Variants in GDF10 observed in about 807,000 individuals in gnomAD.
GDF10 encodes the protein growth differentiation factor 10, also known as growth/differentiation factor 10.
GDF10 carries 23 observed loss-of-function variants against 32.1 expected under a neutral mutation model. The ratio of observed to expected loss-of-function variants is 0.72; its 90% confidence interval spans 0.52 to 1.02. GDF10 has a LOEUF of 1.02. GDF10 is among the 50% of genes least tolerant of loss of function. The probability of loss-of-function intolerance (pLI) is 0.00; values close to 1 mark genes in which losing one functional copy is unlikely to be tolerated. For missense variants in GDF10, 764 were observed against 673.9 expected, an observed-to-expected ratio of 1.13 and a Z score of -1.48; for synonymous variants, 328 against 303.1, an observed-to-expected ratio of 1.08 and a Z score of -0.85.
chr10:47,312,902 A>T lies in GDF10; in HGVS notation c.*110A>T. 1 of 634,752 alleles carries T rather than the reference A, an allele frequency of 1.6e-6. No homozygotes were observed. Among genetic ancestry groups the T allele is most frequent in the Non-Finnish European group, 2.6e-6 (1 of 380,624 alleles). 39.3% of individuals were successfully genotyped at this position (634,752 alleles called of 1,614,324 possible). A position where few individuals can be genotyped will look rare whatever the true frequency, so the allele number is the denominator to read the frequency against. ...AGACACAGAGCACAGCTCATGGGCAACATCACTGGGGCCCAGAGAGAGCTG... is the reference window on the plus strand; with the variant it reads ...AGACACAGAGCACAGCTCATGGGCATCATCACTGGGGCCCAGAGAGAGCTG... On this transcript the variant is annotated 3_prime_UTR_variant, in exon 3 of 3. Coordinates refer to ENST00000580279, the MANE Select transcript of GDF10 (RefSeq NM_004962.5).
chr10:47,300,636 C>A lies in GDF10; in HGVS notation c.-16C>A, dbSNP rs782057226. ...CCTCCTCCTGGACTTCGGCCCTTTGCCGCCCTCACCACGCCATGGCTCATG... is the reference window on the plus strand; with the variant it reads ...CCTCCTCCTGGACTTCGGCCCTTTGACGCCCTCACCACGCCATGGCTCATG... On this transcript the variant is annotated 5_prime_UTR_variant, in exon 1 of 3. Transcript: ENST00000580279. 5 of 1,576,848 alleles carry A rather than the reference C, an allele frequency of 3.2e-6. No homozygotes were observed. The highest frequency in any genetic ancestry group is 8.6e-7 in the Non-Finnish European group (1 of 1,164,022).
At position 47,300,855 on chromosome 10, in the gene GDF10, C is replaced by A; in HGVS notation, c.204C>A (p.Gly68=). 6.3e-7 allele frequency: 1 copy of A among 1,584,498 alleles called. No individual in the cohort carries two copies. Among genetic ancestry groups the A allele is most frequent in the East Asian group, 2.3e-5 (1 of 43,876 alleles). The stretch of plus-strand genomic sequence containing the variant: ...CTGGGGACGCGGCCGCCACGTTGGG[C>A]CCCAGCGCCCAGGACATGGTCGCTG... The part of the protein sequence containing the change: ...RHPGDAAATL[G]PSAQDMVAVH... The change falls in exon 1 of 3, where the codon GGC becomes GGA. Residue 68 remains glycine (G), a synonymous_variant. Transcript: ENST00000580279.
intron 1 of GDF10, among the ~76,000 whole-genome samples, chr10:47,305,778 C>T (rs2061021262): frequency 6.6e-6 from 1 of 152,182 alleles, no homozygotes; most frequent in Non-Finnish European, 1.5e-5. Flanking sequence ...GCTGAGTGCC[C>T]AGCAAAGTGG....
At chr10:47,310,820 A>T in intron 2 of GDF10, 99 bp downstream of exon 2, 1 of 806,052 alleles carries the variant, frequency 1.2e-6, no homozygotes, top group Non-Finnish European at 2.1e-6. Flanking sequence ...CATCTGCAAA[A>T]TGGGAATAAC....
Position 47,300,760 on chromosome 10 carries a change from GC to G in GDF10, c.114del (p.Ala39ProfsTer81). ...LLRDVAGSHR[A>X]PAWSALPAAA... is the part of the protein sequence containing the mutation. Reference sequence around the variant, plus strand: ...CCGGGATGTGGCCGGCAGCCACAGGGCCCCCGCCTGGTCCGCACTGCCCGCG... The same window carrying G: ...CCGGGATGTGGCCGGCAGCCACAGGGCCCCGCCTGGTCCGCACTGCCCGCG... On this transcript the variant is annotated frameshift_variant, in exon 1 of 3. Transcript: ENST00000580279. LOFTEE classifies it high-confidence loss of function. 6.4e-7 allele frequency: 1 copy of G among 1,563,478 alleles called. No homozygotes were observed.
intron 1 of GDF10, among the ~76,000 whole-genome samples, chr10:47,301,483 C>A (rs1216486261): frequency 2.4e-5 from 3 of 127,426 alleles, no homozygotes; most frequent in Non-Finnish European, 4.6e-5. Context: ...AGGACTTCCA[C>A]GGACTGGCAT....
At position 47,300,670 on chromosome 10, in the gene GDF10, C is replaced by A. The variant is rs782506765; in HGVS notation, c.19C>A (p.Arg7=). 1 of 1,600,500 alleles carries A rather than the reference C, an allele frequency of 6.2e-7. No individual in the cohort carries two copies. The highest frequency in any genetic ancestry group is 1.1e-5 in the South Asian group (1 of 89,986). ...CCACGCCATGGCTCATGTCCCCGCT[C>A]GGACCAGCCCGGGACCCGGGCCCCA... MAHVPA[R]TSPGPGPQLL... is the part of the protein sequence containing the mutation. The change falls in exon 1 of 3, where the codon CGG becomes AGG. Residue 7 remains arginine (R), a synonymous_variant. Transcript: ENST00000580279.
Position 47,310,705 on chromosome 10 carries a change from A to G in GDF10, c.1229A>G (p.Glu410Gly). 6.2e-7 allele frequency: 1 copy of G among 1,610,656 alleles called. No homozygotes were observed. The highest frequency in any genetic ancestry group is 8.5e-7 in the Non-Finnish European group (1 of 1,176,860). Residue 410 changes from glutamate (E) to glycine (G), a missense_variant, in exon 2 of 3, where the codon GAG becomes GGG. Transcript: ENST00000580279. ...GCCTACTACTGCGCGGGAGCATGTG[A>G]GTTCCCCATGCCTAAGGTAGGGTTT... ...FDAYYCAGAC[E>G]FPMPKIVRPS...
At chr10:47,310,977 A>G (rs1478690775) in intron 2 of GDF10, among the ~76,000 whole-genome samples, 1 of 152,172 alleles carries the variant, frequency 6.6e-6, no homozygotes, top group Non-Finnish European at 1.5e-5. Flanking sequence ...TAAAATGAGA[A>G]CATTCTTTTG....
In GDF10 at chr10:47,310,394, G is replaced by C; in HGVS notation, c.918G>C (p.Leu306=). The C allele has an allele frequency of 6.2e-7, 1 of 1,609,616 alleles. No individual in the cohort carries two copies. Among genetic ancestry groups the C allele is most frequent in the Non-Finnish European group, 8.5e-7 (1 of 1,178,804 alleles). The change falls in exon 2 of 3, where the codon CTG becomes CTC. Residue 306 remains leucine, a synonymous_variant. Transcript: ENST00000580279. ...GPLQDNELPG[L]DERPPRAHAQ... is the part of the protein sequence containing the mutation. ...TCCAGGACAACGAGCTGCCGGGGCT[G>C]GATGAGAGGCCGCCGCGCGCCCACG...
In GDF10 at chr10:47,310,177, T is replaced by G. The variant is rs1555207546; in HGVS notation, c.701T>G (p.Val234Gly). 1 of 1,611,506 alleles carries G rather than the reference T, an allele frequency of 6.2e-7. No individual in the cohort carries two copies. Residue 234 changes from valine (V) to glycine (G), a missense_variant, in exon 2 of 3, where the codon GTG becomes GGG. Transcript: ENST00000580279. ...GATTCTGAGGAGAGGGACCCGGGGG[T>G]GCCCCGGCCCAGCCCCTATGCGCCC... ...QLDSEERDPG[V>G]PRPSPYAPYI...
At chr10:47,311,943 G>A (rs1381558615) in intron 2 of GDF10, among the ~76,000 whole-genome samples, 1 of 152,218 alleles carries the variant, frequency 6.6e-6, no homozygotes, top group Non-Finnish European at 1.5e-5. Flanking sequence ...TCAGAGGTGG[G>A]CACAGTTTTC....
rs1565750438 is a variant in GDF10 at position 47,313,451 on chromosome 10, T to C, written c.*659T>C. ...TATTGAAATAACACATATAGTAACG[T>C]GGGAATACTAAAAAATAACCAAGAT... is the stretch of plus-strand genomic sequence containing the variant. On this transcript the variant is annotated 3_prime_UTR_variant, in exon 3 of 3. Coordinates refer to ENST00000580279, the MANE Select transcript of GDF10 (RefSeq NM_004962.5). 1 of 152,582 alleles carries C rather than the reference T, an allele frequency of 6.6e-6. No homozygotes were observed. The highest frequency in any genetic ancestry group is 1.5e-5 in the Non-Finnish European group (1 of 68,024). The allele number at this position is 152,582 out of a possible 1,614,324, so 9.5% of individuals were successfully genotyped here.
In GDF10 at chr10:47,309,781, C is replaced by G; in HGVS notation, c.320-15C>G. Reference sequence around the variant, plus strand: ...GCGAGAACTTCACAGCCTGTGGTCTCTCCTTCCCTCACAGAAGTGGTCGAC... The same window carrying G: ...GCGAGAACTTCACAGCCTGTGGTCTGTCCTTCCCTCACAGAAGTGGTCGAC... On this transcript the variant is annotated splice_polypyrimidine_tract_variant and intron_variant, in intron 1 of 2. Transcript: ENST00000580279. The G allele has an allele frequency of 6.3e-7, 1 of 1,579,666 alleles. No individual in the cohort carries two copies. The highest frequency in any genetic ancestry group is 8.7e-7 in the Non-Finnish European group (1 of 1,152,896).
In GDF10 at chr10:47,300,588, T is replaced by G. The variant is rs1230926944; in HGVS notation, c.-64T>G. On this transcript the variant is annotated 5_prime_UTR_variant, in exon 1 of 3. Coordinates refer to ENST00000580279, the MANE Select transcript of GDF10 (RefSeq NM_004962.5). ...ACTGCCGCGAGGTCAGTCCGCAGCC[T>G]CCGGTGCGCCAGCGCTCGCCTTCCT... 6.8e-6 allele frequency: 10 copies of G among 1,462,942 alleles called. No individual in the cohort carries two copies. Among genetic ancestry groups the G allele is most frequent in the Non-Finnish European group, 6.4e-6 (7 of 1,090,752 alleles). The allele number at this position is 1,462,942 out of a possible 1,614,324, so 90.6% of individuals were successfully genotyped here.
chr10:47,307,066 A>G (rs1588843794), intron 1 of GDF10, among the ~76,000 whole-genome samples: 1 of 152,172 alleles, frequency 6.6e-6, no homozygotes, highest in South Asian at 2.1e-4. Flanking sequence ...GGAGACACTG[A>G]AGACGGGTGT....
intron 1 of GDF10, among the ~76,000 whole-genome samples, chr10:47,301,743 A>G (rs2061005692): frequency 6.6e-6 from 1 of 152,182 alleles, no homozygotes; most frequent in Non-Finnish European, 1.5e-5. Flanking sequence ...AGGGGTGGTG[A>G]GAAGACCCTG....
At chr10:47,304,401 G>GAGGGAGGAAGAGGAGAGACTGC (rs138208748) in intron 1 of GDF10, among the ~76,000 whole-genome samples, 16,475 of 151,220 alleles carry the variant, frequency 0.11, 1,340 homozygotes, top group East Asian at 0.45. Context: ...GAGGGAGAGA[G>GAGGGAGGAAGAGGAGAGACTGC]AGGGAGGAAG....
In GDF10 at chr10:47,300,530, C is replaced by A. The variant is rs2060999611; in HGVS notation, c.-122C>A. ...GCCCCGCGCGGACCTCGGTATCCAG[C>A]GCCCTGCTGCCCGGGCTCTCCCCGC... is the stretch of plus-strand genomic sequence containing the variant. On this transcript the variant is annotated 5_prime_UTR_variant, in exon 1 of 3. Transcript: ENST00000580279. The A allele has an allele frequency of 3.4e-6, 3 of 870,230 alleles. No individual in the cohort carries two copies. Among genetic ancestry groups the A allele is most frequent in the Non-Finnish European group, 5.0e-6 (3 of 597,226 alleles). 53.9% of individuals were successfully genotyped at this position (870,230 alleles called of 1,614,324 possible).
Sources: gnomAD v4.1 joint callset for allele counts (sites outside exome capture counted in the v4.1 genomes callset) on GRCh38, gnomAD v4.1.1 for gene constraint, MANE v1.5 for transcripts, NCBI Gene and HGNC (gene_info 2026-07-23, HGNC 2026-07-21) for gene names.